AKAP13: variants seen among roughly 807,000 people sequenced by gnomAD.
AKAP13 encodes the protein A-kinase anchor protein 13.
In AKAP13, 80 loss-of-function variants were observed where a neutral mutation model predicts 264.5. That is an observed-to-expected ratio of 0.30 (90% confidence interval 0.25 to 0.36). AKAP13 has a LOEUF of 0.36. Among genes scored for constraint, AKAP13 ranks in the 10% least tolerant of loss-of-function variants. The pLI is 1.00. For synonymous variants in AKAP13, 1,380 were observed against 1,250.2 expected, an observed-to-expected ratio of 1.10 and a Z score of -2.19; for missense variants, 3,712 against 3,435.2, an observed-to-expected ratio of 1.08 and a Z score of -2.01.
In AKAP13 at chr15:85,708,470, G is replaced by A. The variant is rs2086440239; in HGVS notation, c.5532+384G>A. 6.6e-6 allele frequency among the ~76,000 whole-genome samples: 1 copy of A among 152,098 alleles called. No homozygotes were observed. ...TCAGGGCAGCAGGTGGAGGTCAGGG[G>A]CATTGACCTGCTGGTGGGGGTGGGG... On this transcript the variant is annotated intron_variant, in intron 18 of 36. Transcript: ENST00000394518. This position sits in a 1 kb window ranked among gnomAD's most constrained non-coding sequence, Gnocchi z 4.3.
Position 85,581,632 on chromosome 15 carries a change from G to A in AKAP13, c.3564G>A (p.Leu1188=), listed in dbSNP as rs79662057. The A allele has an allele frequency of 5.3e-4, 852 of 1,614,192 alleles. 7 individuals are homozygous for A. In the East Asian group the frequency reaches 0.017, roughly 32 times the overall value. ...QIDDEAHPVL[L]QPVAKELPTD... is the part of the protein sequence containing the mutation. ...ACGATGAAGCACATCCTGTCCTACTGCAGCCTGTTGCCAAGGAGCTCCCCA... is the reference window on the plus strand; with the variant it reads ...ACGATGAAGCACATCCTGTCCTACTACAGCCTGTTGCCAAGGAGCTCCCCA... The change falls in exon 7 of 37, where the codon CTG becomes CTA. Residue 1188 remains leucine, a synonymous_variant. Transcript: ENST00000394518.
chr15:85,415,126 G>T, intron 1 of AKAP13: 1 of 690,380 alleles, frequency 1.4e-6, no homozygotes, highest in Admixed American at 2.5e-5. Flanking sequence ...AGCATCCCAG[G>T]AGTTTCAGAG....
intron 11 of AKAP13, 106 bp from the exon 12 acceptor site, chr15:85,658,431 T>G: frequency 2.2e-6 from 2 of 914,146 alleles, no homozygotes; most frequent in Non-Finnish European, 3.4e-6. Context: ...GTGCCATTTC[T>G]CTTTGAGCAG....
At chr15:85,719,054 T>C (rs200559116) in intron 22 of AKAP13, 22 bp from the exon 23 acceptor site, 15 of 1,612,090 alleles carry the variant, frequency 9.3e-6, no homozygotes. Context: ...TTCCTGACAC[T>C]TGATCTTTTT....
At position 85,734,399 on chromosome 15, in the gene AKAP13, GCTTGT is replaced by G. The variant is rs1174184621; in HGVS notation, c.7283-589_7283-585del. ...TGTGTAGTTTTTCTTTTTTAATATGGCTTGTCTTATCAGATTTCCTGCTATTGGTT... is the reference window on the plus strand; with the variant it reads ...TGTGTAGTTTTTCTTTTTTAATATGGCTTATCAGATTTCCTGCTATTGGTT... On this transcript the variant is annotated intron_variant, in intron 30 of 36. Transcript: ENST00000394518. 5.9e-5 allele frequency among the ~76,000 whole-genome samples: 9 copies of G among 152,080 alleles called. No individual in the cohort carries two copies. The South Asian group carries it at 1.5e-3, about 25-fold the overall frequency.
intron 33 of AKAP13, among the ~76,000 whole-genome samples, chr15:85,737,725 C>T (rs544339781): frequency 2.6e-5 from 4 of 152,242 alleles, no homozygotes; most frequent in African/African-American, 7.2e-5. Flanking sequence ...GCAGCTTCCA[C>T]GTCCCAGGTT....
chr15:85,741,128 G>A lies in AKAP13; in HGVS notation c.7691G>A (p.Arg2564His), dbSNP rs770089685. The A allele has an allele frequency of 1.2e-6, 2 of 1,613,386 alleles. No homozygotes were observed. Among genetic ancestry groups the A allele is most frequent in the African/African-American group, 1.3e-5 (1 of 74,930 alleles). The part of the protein sequence containing the change: ...SERALTRSLS[R>H]PSSLIEQEKQ... ...AGGGCGCTCACTCGCAGCTTGTCCC[G>A]CCCGAGCTCCCTCATTGAGCAGGAG... Residue 2564 changes from arginine to histidine, a missense_variant, in exon 35 of 37, where the codon CGC becomes CAC. Physicochemically the swap from Arg to His is conservative, Grantham distance 29. Transcript: ENST00000394518.
At chr15:85,520,157 C>T (rs1459009445) in intron 2 of AKAP13, among the ~76,000 whole-genome samples, 1 of 147,628 alleles carries the variant, frequency 6.8e-6, no homozygotes, top group Non-Finnish European at 1.5e-5. Flanking sequence ...TATATTTAGC[C>T]ACTGGCCTTG....
At chr15:85,717,563 G>A (rs112988481) in intron 21 of AKAP13, among the ~76,000 whole-genome samples, 161 bp downstream of exon 21, 1 of 152,194 alleles carries the variant, frequency 6.6e-6, no homozygotes. Context: ...TGTCATGACT[G>A]CGTAATCAGA....
intron 10 of AKAP13, among the ~76,000 whole-genome samples, chr15:85,648,880 T>C (rs1490667719): frequency 1.3e-5 from 2 of 152,172 alleles, no homozygotes; most frequent in Non-Finnish European, 2.9e-5. Flanking sequence ...TATACTAGAC[T>C]GCTTAGGGAA....
intron 1 of AKAP13, among the ~76,000 whole-genome samples, chr15:85,392,251 ATTTTTTTTT>A: frequency 9.4e-6 from 1 of 106,350 alleles, no homozygotes; most frequent in African/African-American, 3.6e-5. Flanking sequence ...GCCCTTAATA[ATTTTTTTTT>A]TTTTTTTTTT....
intron 3 of AKAP13, among the ~76,000 whole-genome samples, chr15:85,528,276 T>G (rs1275496351): frequency 4.6e-5 from 7 of 152,154 alleles, no homozygotes; most frequent in Admixed American, 4.6e-4. Flanking sequence ...TCATCAGTAG[T>G]TAAGTTTTTG....
intron 17 of AKAP13, among the ~76,000 whole-genome samples, chr15:85,697,970 G>A (rs76834873): frequency 1.6e-4 from 24 of 152,276 alleles, no homozygotes; most frequent in African/African-American, 5.8e-4. Flanking sequence ...TCATACAAAA[G>A]CAGTTTGTCA....
chr15:85,471,399 G>A (rs1400289696), intron 1 of AKAP13, among the ~76,000 whole-genome samples: 3 of 152,164 alleles, frequency 2.0e-5, no homozygotes. Context: ...GGAGGCTGAG[G>A]CAGGAGAATG....
intron 2 of AKAP13, 54 bp from the exon 3 acceptor site, chr15:85,521,374 G>T: frequency 1.9e-6 from 3 of 1,585,188 alleles, no homozygotes; most frequent in South Asian, 2.3e-5. Flanking sequence ...ATAAAGATAG[G>T]CTGCGAAGAG....
At chr15:85,537,523 A>T (rs1009963640) in intron 4 of AKAP13, among the ~76,000 whole-genome samples, 1 of 152,258 alleles carries the variant, frequency 6.6e-6, no homozygotes, top group Non-Finnish European at 1.5e-5. Context: ...GAAATTGCTC[A>T]GATTTCTCCT....
chr15:85,402,021 T>C (rs543419675), intron 1 of AKAP13, among the ~76,000 whole-genome samples: 1 of 152,368 alleles, frequency 6.6e-6, no homozygotes, highest in African/African-American at 2.4e-5. Flanking sequence ...AAATTTGGTT[T>C]AGTTTGCTGC....
chr15:85,675,805 C>G (rs1465333621), intron 14 of AKAP13, among the ~76,000 whole-genome samples: 1 of 152,058 alleles, frequency 6.6e-6, no homozygotes, highest in Non-Finnish European at 1.5e-5. Flanking sequence ...GGGCCTCTTG[C>G]CTGAGGGAAT....
chr15:85,657,104 C>T (rs1382153300), intron 11 of AKAP13, among the ~76,000 whole-genome samples: 1 of 152,090 alleles, frequency 6.6e-6, no homozygotes, highest in East Asian at 1.9e-4. Context: ...CATGATCATA[C>T]CACTGCACTC....
Sources: allele counts gnomAD v4.1 joint callset (sites outside exome capture counted in the v4.1 genomes callset), GRCh38; gene constraint gnomAD v4.1.1; non-coding constraint Gnocchi (gnomAD v3.1); transcripts MANE v1.5; gene names NCBI Gene and HGNC (gene_info 2026-07-23, HGNC 2026-07-21).